Variants in USP15 observed in about 807,000 individuals in gnomAD.
USP15 encodes the protein ubiquitin specific peptidase 15, also known as ubiquitin carboxyl-terminal hydrolase 15.
In USP15, 18 loss-of-function variants were observed where a neutral mutation model predicts 127.1. That is an observed-to-expected ratio of 0.14 (90% CI 0.10 to 0.21). USP15 has a LOEUF of 0.21. USP15 is among the 10% of genes least tolerant of loss of function. USP15 has a pLI of 1.00. For missense variants in USP15, 805 were observed against 1,159.9 expected (o/e 0.69, Z 4.44); for synonymous variants, 364 against 393.7 (o/e 0.92, Z 0.89).
In USP15 at chr12:62,390,869, A is replaced by G; in HGVS notation, c.1850A>G (p.Tyr617Cys). 1 of 1,605,080 alleles carries G rather than the reference A, an allele frequency of 6.2e-7. No individual in the cohort carries two copies. The highest frequency in any genetic ancestry group is 8.5e-7 in the Non-Finnish European group (1 of 1,174,102). The change falls in exon 15 of 22, where the codon TAT becomes TGT. Residue 617 changes from tyrosine (Y) to cysteine (C), a missense_variant. Physicochemically the swap from Tyr to Cys is radical, Grantham distance 194. Around this residue, in one of 11 missense-constraint regions of USP15, gnomAD observed 225 missense variants for 239.5 expected, o/e 0.94. Transcript: ENST00000280377. ...YNLLLLRMCR[Y>C]VKISTETEET... Reference sequence around the variant, plus strand: ...GATTTTTGATTTTACTTAAGCCGATATGTCAAAATATCTACTGAAACTGAA... The same window carrying G: ...GATTTTTGATTTTACTTAAGCCGATGTGTCAAAATATCTACTGAAACTGAA...
intron 1 of USP15, among the ~76,000 whole-genome samples, chr12:62,265,167 C>CT (rs2063163346): frequency 6.6e-6 from 1 of 152,114 alleles, no homozygotes; most frequent in Non-Finnish European, 1.5e-5. Context: ...GAAATTAAGG[C>CT]TTTTTTTCCT....
At chr12:62,286,414 T>C (rs905937273) in intron 1 of USP15, among the ~76,000 whole-genome samples, 11 of 152,196 alleles carry the variant, frequency 7.2e-5, no homozygotes, top group African/African-American at 2.4e-4. Flanking sequence ...ATGTTTAATA[T>C]GTTATTGGTG....
chr12:62,276,031 A>G (rs10877819), intron 1 of USP15, among the ~76,000 whole-genome samples: 2 of 151,834 alleles, frequency 1.3e-5, no homozygotes, highest in South Asian at 4.1e-4. Context: ...TTTAGTAACT[A>G]TGAACCCAGA....
intron 6 of USP15, among the ~76,000 whole-genome samples, chr12:62,326,626 A>G (rs903788125): frequency 7.9e-5 from 12 of 152,222 alleles, no homozygotes; most frequent in Admixed American, 3.9e-4. Context: ...AGGACTATAA[A>G]TAGCATTATA....
intron 1 of USP15, among the ~76,000 whole-genome samples, chr12:62,262,551 GA>G (rs1476453341): frequency 6.6e-6 from 1 of 152,190 alleles, no homozygotes; most frequent in Non-Finnish European, 1.5e-5. Context: ...ACTACAGGAT[GA>G]TAGGAGCAAT....
intron 11 of USP15, among the ~76,000 whole-genome samples, chr12:62,389,182 A>G (rs1175397789): frequency 6.6e-6 from 1 of 152,182 alleles, no homozygotes; most frequent in African/African-American, 2.4e-5. Flanking sequence ...AAGTAATGAC[A>G]GGATCTAATA....
intron 2 of USP15, among the ~76,000 whole-genome samples, chr12:62,302,273 T>C (rs1278688928): frequency 6.6e-6 from 1 of 152,202 alleles, no homozygotes; most frequent in African/African-American, 2.4e-5. Flanking sequence ...TGAATATTGT[T>C]ACCATATGAG....
At chr12:62,399,935 A>G (rs2137661426) in intron 20 of USP15, among the ~76,000 whole-genome samples, 1 of 152,312 alleles carries the variant, frequency 6.6e-6, no homozygotes, top group African/African-American at 2.4e-5. Flanking sequence ...TCTGAACATC[A>G]TCCAAACAGG....
rs80149437 is a variant in USP15 at position 62,384,016 on chromosome 12, A to G, written c.1248+18A>G. The G allele has an allele frequency of 4.2e-3, 6,707 of 1,610,748 alleles. 239 individuals are homozygous for G. In the African/African-American group the frequency reaches 0.075, roughly 18 times the overall value. On this transcript the variant is annotated intron_variant, in intron 10 of 21. Transcript: ENST00000280377. ...CAGATAAGGTAAATTTCATGATCCT[A>G]TTGTCACCATTGTTATAATTTTGTG...
At chr12:62,384,478 G>A (rs1187416129) in intron 11 of USP15, among the ~76,000 whole-genome samples, 176 bp downstream of exon 11, 1 of 151,378 alleles carries the variant, frequency 6.6e-6, no homozygotes, top group Non-Finnish European at 1.5e-5. Flanking sequence ...GGAAATCAGT[G>A]TAACTTTTTA....
At chr12:62,360,692 A>G (rs948265724) in intron 8 of USP15, among the ~76,000 whole-genome samples, 1 of 152,078 alleles carries the variant, frequency 6.6e-6, no homozygotes, top group Non-Finnish European at 1.5e-5. Flanking sequence ...CGTAAAAGGA[A>G]AAACCTCACT....
At position 62,404,287 on chromosome 12, in the gene USP15, C is replaced by T; in HGVS notation, c.2858C>T (p.Ala953Val). ...PLDRETKGAS[A>V]ATGIPLESDE... ...GACCGAGAAACTAAAGGTGCTTCAGCTGCCACTGGCATCCCATTAGAAAGT... is the reference window on the plus strand; with the variant it reads ...GACCGAGAAACTAAAGGTGCTTCAGTTGCCACTGGCATCCCATTAGAAAGT... Residue 953 changes from alanine (A) to valine (V), a missense_variant, in exon 22 of 22, where the codon GCT becomes GTT. Ala to Val is a moderately conservative substitution (Grantham distance 64, BLOSUM62 0). Coordinates refer to ENST00000280377, the MANE Select transcript of USP15 (RefSeq NM_001252078.2). The T allele has an allele frequency of 6.2e-7, 1 of 1,613,278 alleles. No individual in the cohort carries two copies. Among genetic ancestry groups the T allele is most frequent in the South Asian group, 1.1e-5 (1 of 91,052 alleles).
intron 5 of USP15, among the ~76,000 whole-genome samples, chr12:62,323,593 T>C (rs894172227): frequency 3.3e-5 from 5 of 152,192 alleles, no homozygotes; most frequent in Non-Finnish European, 5.9e-5. Context: ...AATCCACTGA[T>C]TAGCCAACAC....
At chr12:62,381,374 A>C in intron 8 of USP15, 116 bp from the exon 9 acceptor site, 1 of 851,964 alleles carries the variant, frequency 1.2e-6, no homozygotes, top group Non-Finnish European at 1.7e-6. Flanking sequence ...AGAAACCATC[A>C]TTTAAATGTT....
In USP15 at chr12:62,271,626, G is replaced by A. The variant is rs144251048; in HGVS notation, c.89+11123G>A. 2.8e-3 allele frequency among the ~76,000 whole-genome samples: 431 copies of A among 151,944 alleles called. 1 individual carries two copies. The highest frequency in any genetic ancestry group is 4.7e-3 in the Non-Finnish European group (316 of 67,806). On this transcript the variant is annotated intron_variant, in intron 1 of 21. Coordinates refer to ENST00000280377, the MANE Select transcript of USP15 (RefSeq NM_001252078.2). Reference sequence around the variant, plus strand: ...CGGTGTAGAAAAGTTACACAGAGCTGAGAGAATTTATGTAGAGTCAAGCAT... The same window carrying A: ...CGGTGTAGAAAAGTTACACAGAGCTAAGAGAATTTATGTAGAGTCAAGCAT...
chr12:62,299,769 T>G (rs769330591), intron 2 of USP15, among the ~76,000 whole-genome samples: 1 of 152,232 alleles, frequency 6.6e-6, no homozygotes, highest in Non-Finnish European at 1.5e-5. Flanking sequence ...ATTGCATCCT[T>G]TTACATCATT....
At chr12:62,348,746 ATGC>A (rs2065889636) in intron 6 of USP15, among the ~76,000 whole-genome samples, 1 of 152,172 alleles carries the variant, frequency 6.6e-6, no homozygotes, top group Admixed American at 6.5e-5. Flanking sequence ...TATTGGGATT[ATGC>A]TTGGAATTAT....
At chr12:62,297,452 G>A (rs2064165184) in intron 2 of USP15, among the ~76,000 whole-genome samples, 1 of 152,144 alleles carries the variant, frequency 6.6e-6, no homozygotes, top group Non-Finnish European at 1.5e-5. Context: ...CAAGATTTGA[G>A]AAGGCAGAGA....
intron 6 of USP15, chr12:62,335,035 C>T: frequency 2.6e-6 from 2 of 782,760 alleles, no homozygotes; most frequent in African/African-American, 1.7e-5. Context: ...GAAGTCTTAC[C>T]TTTTTCTGTC....
Sources: gnomAD v4.1 joint callset for allele counts (sites outside exome capture counted in the v4.1 genomes callset) on GRCh38, gnomAD v4.1.1 for gene constraint, gnomAD v4.1.1 regional missense constraint, MANE v1.5 for transcripts, NCBI Gene and HGNC (gene_info 2026-07-23, HGNC 2026-07-21) for gene names.